Variants in SGCD observed in about 807,000 individuals in gnomAD.
SGCD encodes sarcoglycan delta, also known as delta-sarcoglycan.
A neutral mutation model predicts 36.6 loss-of-function variants in SGCD; 18 were observed. That is an observed-to-expected ratio of 0.49 (90% CI 0.34 to 0.73). The LOEUF is 0.73. Ranked by LOEUF, SGCD falls within the 30% of genes least tolerant of loss-of-function variation. The pLI, the probability that SGCD is intolerant of heterozygous loss-of-function variation, is 0.01. For synonymous variants in SGCD, 133 were observed against 130.6 expected (o/e 1.02, Z -0.12); for missense variants, 387 against 346.7 (o/e 1.12, Z -0.92).
chr5:156,472,996 G>T (rs1241322122), intron 3 of SGCD, among the ~76,000 whole-genome samples: 1 of 152,020 alleles, frequency 6.6e-6, no homozygotes, highest in African/African-American at 2.4e-5. Context: ...ATATAAATTT[G>T]CCTACAGTAA....
At chr5:156,137,025 T>C (rs751304200) in intron 3 of SGCD, among the ~76,000 whole-genome samples, 3 of 152,216 alleles carry the variant, frequency 2.0e-5, no homozygotes, top group African/African-American at 7.2e-5. Flanking sequence ...AAGTTGAATG[T>C]TGGCCTGTGG....
intron 3 of SGCD, among the ~76,000 whole-genome samples, chr5:156,174,557 C>G (rs932200717): frequency 6.6e-6 from 1 of 152,184 alleles, no homozygotes; most frequent in Non-Finnish European, 1.5e-5. Context: ...GTTATTTCAT[C>G]CAGGTTCCCA....
upstream of SGCD, among the ~76,000 whole-genome samples, chr5:155,868,408 GGGTGCCAGACT>G: frequency 6.8e-6 from 1 of 147,316 alleles, no homozygotes; most frequent in Non-Finnish European, 1.5e-5. Context: ...ATGTTGACCA[GGGTGCCAGACT>G]GGTCTAGAAC....
At chr5:156,132,213 T>A (rs557433666) in intron 3 of SGCD, among the ~76,000 whole-genome samples, 1 of 152,008 alleles carries the variant, frequency 6.6e-6, no homozygotes, top group East Asian at 1.9e-4. Flanking sequence ...TTTCAGGTAC[T>A]GTCAGGTGTA....
the SGCD span, among the ~76,000 whole-genome samples, chr5:155,861,638 A>G: frequency 1.3e-5 from 2 of 152,212 alleles, no homozygotes; most frequent in Non-Finnish European, 2.9e-5. Context: ...GAATCTCTTG[A>G]ACCCAGAAGG....
chr5:156,441,862 A>C (rs1753506812), intron 3 of SGCD, among the ~76,000 whole-genome samples: 2 of 152,154 alleles, frequency 1.3e-5, no homozygotes, highest in South Asian at 4.1e-4. Context: ...CAAATGAATA[A>C]GTTGCTCAGA....
chr5:156,218,711 C>T (rs1363026180), intron 3 of SGCD, among the ~76,000 whole-genome samples: 2 of 152,258 alleles, frequency 1.3e-5, no homozygotes, highest in Non-Finnish European at 2.9e-5. Context: ...CATTTCTTTG[C>T]AAGCATTAGC....
At chr5:156,595,143 C>T in intron 6 of SGCD, 92 bp downstream of exon 6, 1 of 1,397,054 alleles carries the variant, frequency 7.2e-7, no homozygotes. Context: ...ATATGTCCTC[C>T]CAAAATTCAT....
chr5:155,813,429 A>G, the SGCD span, among the ~76,000 whole-genome samples: 1 of 152,156 alleles, frequency 6.6e-6, no homozygotes, highest in African/African-American at 2.4e-5. Flanking sequence ...TTCAACCAAG[A>G]GCAAAGGGTT....
At position 156,268,564 on chromosome 5, in the gene SGCD, CTCCTTCCTTCCT is replaced by C. The variant is rs57057008; in HGVS notation, c.-43-60944_-43-60933del. 2.4e-3 allele frequency among the ~76,000 whole-genome samples: 363 copies of C among 149,578 alleles called. 2 individuals carry two copies. The highest frequency in any genetic ancestry group is 8.0e-3 in the African/African-American group (323 of 40,624). On this transcript the variant is annotated intron_variant, in intron 3 of 9. Coordinates refer to the SGCD transcript ENST00000517913. The stretch of plus-strand genomic sequence containing the variant: ...GCTATCTCATTGTGGTTTTGATTTG[CTCCTTCCTTCCT>C]TCCTTCCTTCCTTCCTTCCTTCCTT...
intron 3 of SGCD, among the ~76,000 whole-genome samples, chr5:156,456,938 T>TA (rs1252408593): frequency 6.6e-5 from 10 of 152,186 alleles, no homozygotes; most frequent in Non-Finnish European, 1.3e-4. Flanking sequence ...TGTATTGTAG[T>TA]AAAAAAATCA....
chr5:156,556,891 TAA>T (rs969877945), intron 4 of SGCD, among the ~76,000 whole-genome samples: 3 of 152,150 alleles, frequency 2.0e-5, no homozygotes, highest in African/African-American at 7.2e-5. Context: ...CATTTACAAA[TAA>T]AGAGTCATAT....
intron 3 of SGCD, among the ~76,000 whole-genome samples, chr5:156,492,263 T>C (rs142090940): frequency 5.5e-4 from 83 of 152,290 alleles, no homozygotes; most frequent in African/African-American, 2.0e-3. Flanking sequence ...TCTCCAGAGT[T>C]ACATCATTCA....
chr5:156,576,586 G>A (rs142608219), intron 4 of SGCD, among the ~76,000 whole-genome samples: 2,548 of 152,222 alleles, frequency 0.017, 50 homozygotes, highest in African/African-American at 0.037. Flanking sequence ...TCCAGCACTT[G>A]TTGTTTCCCA....
At chr5:156,529,977 C>T (rs948957112) in intron 4 of SGCD, among the ~76,000 whole-genome samples, 6 of 152,184 alleles carry the variant, frequency 3.9e-5, no homozygotes, top group Non-Finnish European at 8.8e-5. Flanking sequence ...AAATATTTCA[C>T]AGATGCACTT....
intron 4 of SGCD, among the ~76,000 whole-genome samples, chr5:156,572,631 A>G (rs978935215): frequency 6.6e-6 from 1 of 152,210 alleles, no homozygotes; most frequent in Non-Finnish European, 1.5e-5. Flanking sequence ...AGACAATTGA[A>G]TGAAGCACCC....
At chr5:155,937,323 T>C (rs1364600386) in intron 1 of SGCD, among the ~76,000 whole-genome samples, 1 of 152,176 alleles carries the variant, frequency 6.6e-6, no homozygotes, top group Non-Finnish European at 1.5e-5. Flanking sequence ...GCTGCTTCCA[T>C]CAAGGTCACA....
At chr5:155,903,867 C>T (rs888818172) in intron 1 of SGCD, among the ~76,000 whole-genome samples, 3 of 152,184 alleles carry the variant, frequency 2.0e-5, no homozygotes, top group Admixed American at 6.6e-5. Context: ...TTTCAACTTA[C>T]TGTGCGTGTT....
chr5:156,344,170 C>T lies in SGCD; in HGVS notation c.4-319C>T, dbSNP rs1312341246. 4.6e-5 allele frequency among the ~76,000 whole-genome samples: 7 copies of T among 152,292 alleles called. No homozygotes were observed. In the East Asian group the frequency reaches 9.6e-4, roughly 21 times the overall value. On this transcript the variant is annotated intron_variant, in intron 2 of 8. Coordinates refer to ENST00000337851, the MANE Select transcript of SGCD (RefSeq NM_000337.6). ...TTCGGTTTGGTAGATCTTTGAGCAT[C>T]TCCCCCACAAAGATGTTGGAATTCT...
Sources: allele counts gnomAD v4.1 joint callset (sites outside exome capture counted in the v4.1 genomes callset), GRCh38; gene constraint gnomAD v4.1.1; transcripts MANE v1.5; gene names NCBI Gene and HGNC (gene_info 2026-07-23, HGNC 2026-07-21).